Variants in PXDNL observed in about 807,000 individuals in gnomAD.
The protein encoded by PXDNL is peroxidasin like.
In PXDNL, 145 loss-of-function variants were observed where a neutral mutation model predicts 150.8. The ratio of observed to expected loss-of-function variants is 0.96; its 90% CI spans 0.84 to 1.10. The LOEUF (loss-of-function observed/expected upper bound fraction) is 1.10, where lower values mean the gene tolerates loss of function less well. Among genes scored for constraint, PXDNL ranks in the 50% least tolerant of loss-of-function variants. The probability of loss-of-function intolerance (pLI) is 0.00; values close to 1 mark genes in which losing one functional copy is unlikely to be tolerated. For synonymous variants in PXDNL, 757 were observed against 725.7 expected (o/e 1.04, Z -0.69); for missense variants, 2,087 against 1,873.9 (o/e 1.11, Z -2.10).
At chr8:51,683,785 A>C (rs1446028353) in intron 1 of PXDNL, among the ~76,000 whole-genome samples, 1 of 152,150 alleles carries the variant, frequency 6.6e-6, no homozygotes, top group Non-Finnish European at 1.5e-5. Flanking sequence ...AGAGGCAGAG[A>C]TTCCAAGGCA....
At chr8:51,726,436 T>C (rs1233323630) in intron 1 of PXDNL, among the ~76,000 whole-genome samples, 1 of 152,214 alleles carries the variant, frequency 6.6e-6, no homozygotes, top group Non-Finnish European at 1.5e-5. Flanking sequence ...TGGCTGCCCT[T>C]ACCTCCCTGT....
intron 6 of PXDNL, 129 bp downstream of exon 6, chr8:51,483,514 C>T (rs1436062262): frequency 1.5e-6 from 1 of 680,868 alleles, no homozygotes; most frequent in African/African-American, 1.8e-5. Context: ...AAACCATTTT[C>T]TCCCTAACAT....
At chr8:51,326,793 T>C (rs560605178) in intron 21 of PXDNL, among the ~76,000 whole-genome samples, 2 of 152,230 alleles carry the variant, frequency 1.3e-5, no homozygotes, top group South Asian at 4.1e-4. Flanking sequence ...GGGGTTGAGC[T>C]GCATCACTCC....
intron 5 of PXDNL, among the ~76,000 whole-genome samples, chr8:51,492,619 C>T (rs1347550369): frequency 2.0e-5 from 3 of 152,182 alleles, no homozygotes; most frequent in African/African-American, 7.2e-5. Flanking sequence ...TAGCAAATGG[C>T]ACACCAGGAG....
Position 51,461,486 on chromosome 8 carries a change from G to T in PXDNL, c.813-3819C>A, listed in dbSNP as rs369202189. On this transcript the variant is annotated intron_variant, in intron 8 of 22. Coordinates refer to ENST00000356297, the MANE Select transcript of PXDNL (RefSeq NM_144651.5). ...AGACCTAGTCAAAGGAGCACAGGCT[G>T]GGCAGTCCCTGCAGCCATCTGCTGG... is the stretch of plus-strand genomic sequence containing the variant. 9.2e-5 allele frequency among the ~76,000 whole-genome samples: 14 copies of T among 152,330 alleles called. 1 individual carries two copies. The South Asian group carries it at 1.4e-3, about 16-fold the overall frequency.
chr8:51,616,453 T>A (rs1056387330), intron 2 of PXDNL, among the ~76,000 whole-genome samples: 1 of 152,094 alleles, frequency 6.6e-6, no homozygotes, highest in Non-Finnish European at 1.5e-5. Context: ...TAGGGAAAAA[T>A]ACACAGAAAC....
intron 5 of PXDNL, among the ~76,000 whole-genome samples, chr8:51,492,112 T>TA (rs1810909396): frequency 6.6e-6 from 1 of 152,282 alleles, no homozygotes; most frequent in Non-Finnish European, 1.5e-5. Flanking sequence ...TGGCTCTTCT[T>TA]AGCCTTTAAT....
At chr8:51,642,261 A>G (rs961009444) in intron 2 of PXDNL, among the ~76,000 whole-genome samples, 6 of 151,974 alleles carry the variant, frequency 3.9e-5, no homozygotes, top group African/African-American at 1.4e-4. Flanking sequence ...ATGCTAAATG[A>G]TGAGTTAATG....
intron 4 of PXDNL, among the ~76,000 whole-genome samples, chr8:51,521,548 C>A (rs11780952): frequency 0.15 from 22,966 of 151,824 alleles, 1,955 homozygotes; most frequent in East Asian, 0.24. Flanking sequence ...AAAACAGAAA[C>A]TGGCAGAATA....
intron 21 of PXDNL, among the ~76,000 whole-genome samples, chr8:51,323,837 A>C (rs1358056866): frequency 1.3e-5 from 2 of 151,838 alleles, no homozygotes; most frequent in East Asian, 3.9e-4. Context: ...AATCATTTGA[A>C]CCCAAGAGGT....
chr8:51,496,272 A>C (rs1334591291), intron 5 of PXDNL, among the ~76,000 whole-genome samples: 5 of 152,248 alleles, frequency 3.3e-5, no homozygotes, highest in Non-Finnish European at 7.3e-5. Flanking sequence ...TATTGATGAG[A>C]TGTATCTCAA....
chr8:51,322,754 G>C (rs567628042), intron 21 of PXDNL, among the ~76,000 whole-genome samples: 2 of 152,198 alleles, frequency 1.3e-5, no homozygotes, highest in Non-Finnish European at 2.9e-5. Context: ...TGATGTGAAA[G>C]AATTTTGATT....
At chr8:51,692,662 C>T (rs1051138969) in intron 1 of PXDNL, among the ~76,000 whole-genome samples, 1 of 152,218 alleles carries the variant, frequency 6.6e-6, no homozygotes, top group Non-Finnish European at 1.5e-5. Context: ...TCCAGATGGA[C>T]ATATCTTCCC....
chr8:51,582,609 G>A (rs1338105328), intron 3 of PXDNL, among the ~76,000 whole-genome samples: 2 of 152,098 alleles, frequency 1.3e-5, no homozygotes, highest in Admixed American at 1.3e-4. Context: ...TAGTAACACT[G>A]ATATTTATCA....
chr8:51,605,065 T>G (rs1353437291), intron 2 of PXDNL, among the ~76,000 whole-genome samples: 1 of 152,210 alleles, frequency 6.6e-6, no homozygotes, highest in East Asian at 1.9e-4. Flanking sequence ...TTACTCAATA[T>G]TTATAAATTG....
chr8:51,563,680 CA>C (rs1812760373), intron 3 of PXDNL, among the ~76,000 whole-genome samples: 2 of 151,822 alleles, frequency 1.3e-5, no homozygotes, highest in African/African-American at 2.4e-5. Flanking sequence ...AACTGGCTTA[CA>C]AAAAAATTAT....
intron 2 of PXDNL, among the ~76,000 whole-genome samples, chr8:51,621,442 GTGTGTC>G (rs1469707373): frequency 2.1e-3 from 269 of 125,416 alleles, no homozygotes; most frequent in Non-Finnish European, 2.6e-3. Context: ...ATGAGTGTGT[GTGTGTC>G]TGTGTGTGTG....
intron 19 of PXDNL, among the ~76,000 whole-genome samples, chr8:51,352,224 G>A (rs149414259): frequency 1.3e-5 from 2 of 152,198 alleles, no homozygotes; most frequent in East Asian, 3.9e-4. Flanking sequence ...ATTTGATCCA[G>A]CAATCCCACT....
At chr8:51,541,016 T>C (rs985371818) in intron 4 of PXDNL, among the ~76,000 whole-genome samples, 1 of 152,088 alleles carries the variant, frequency 6.6e-6, no homozygotes, top group African/African-American at 2.4e-5. Context: ...TCCCAGCACT[T>C]TGGGGGACCA....
Sources: gnomAD v4.1 joint callset for allele counts (sites outside exome capture counted in the v4.1 genomes callset) on GRCh38, gnomAD v4.1.1 for gene constraint, MANE v1.5 for transcripts, NCBI Gene and HGNC (gene_info 2026-07-23, HGNC 2026-07-21) for gene names.